CEP112: variants seen among roughly 807,000 people sequenced by gnomAD.
CEP112 encodes centrosomal protein of 112 kDa.
Under a neutral mutation model 153.0 loss-of-function variants are expected in CEP112, and 127 were observed. That is an observed-to-expected ratio of 0.83 (90% CI 0.72 to 0.96). The LOEUF (loss-of-function observed/expected upper bound fraction) is 0.96, where lower values mean the gene tolerates loss of function less well. Ranked by LOEUF, CEP112 falls within the 40% of genes least tolerant of loss-of-function variation. CEP112 has a pLI of 0.00. For missense variants in CEP112, 1,089 were observed against 1,101.2 expected, an observed-to-expected ratio of 0.99 and a Z score of 0.16; for synonymous variants, 358 against 374.4, an observed-to-expected ratio of 0.96 and a Z score of 0.51.
chr17:65,906,903 T>C (rs1016371463), intron 19 of CEP112, among the ~76,000 whole-genome samples: 1 of 152,204 alleles, frequency 6.6e-6, no homozygotes, highest in Non-Finnish European at 1.5e-5. Flanking sequence ...ACAAGGATCA[T>C]TATAATAAAA....
intron 21 of CEP112, among the ~76,000 whole-genome samples, chr17:65,838,151 A>G (rs2057391947): frequency 1.3e-5 from 2 of 152,146 alleles, no homozygotes; most frequent in African/African-American, 4.8e-5. Flanking sequence ...AAATGGATTA[A>G]AAAAAAGACA....
At chr17:65,876,556 T>C (rs2058833940) in intron 20 of CEP112, among the ~76,000 whole-genome samples, 2 of 152,186 alleles carry the variant, frequency 1.3e-5, no homozygotes, top group South Asian at 4.1e-4. Flanking sequence ...GACCTTTTCT[T>C]TTGTGATGCT....
At chr17:65,769,234 C>T (rs1224494853) in intron 21 of CEP112, among the ~76,000 whole-genome samples, 1 of 151,810 alleles carries the variant, frequency 6.6e-6, no homozygotes, top group African/African-American at 2.4e-5. Context: ...GACCTGTACA[C>T]TGAAAACTAT....
intron 3 of CEP112, 45 bp from the exon 4 acceptor site, chr17:66,175,261 T>C (rs751753521): frequency 2.6e-5 from 34 of 1,332,324 alleles, no homozygotes; most frequent in South Asian, 1.7e-4. Flanking sequence ...AAATGTACTA[T>C]AATAAACCAC....
intron 17 of CEP112, among the ~76,000 whole-genome samples, chr17:65,983,887 T>G (rs2063312619): frequency 6.6e-6 from 1 of 152,208 alleles, no homozygotes; most frequent in Admixed American, 6.5e-5. Context: ...GTTCACTTAT[T>G]TTATTAAATT....
At chr17:65,782,354 G>A (rs2054044000) in intron 21 of CEP112, among the ~76,000 whole-genome samples, 1 of 152,126 alleles carries the variant, frequency 6.6e-6, no homozygotes, top group South Asian at 2.1e-4. Context: ...TGTTGGTGAG[G>A]CTGCAGAGAA....
chr17:65,771,574 T>C (rs1490137568), intron 21 of CEP112, among the ~76,000 whole-genome samples: 1 of 152,180 alleles, frequency 6.6e-6, no homozygotes, highest in African/African-American at 2.4e-5. Flanking sequence ...TTCTGGGCCA[T>C]AAAATAAATT....
In CEP112 at chr17:66,157,149, A is replaced by G. The variant is rs140486998; in HGVS notation, c.470+17895T>C. Among the ~76,000 whole-genome samples the G allele has an allele frequency of 8.5e-3, 1,298 of 152,322 alleles. 19 individuals carry two copies. The highest frequency in any genetic ancestry group is 0.03 in the African/African-American group (1,228 of 41,566). ...GAGAGAAAGGTCACGTTACCCACAA[A>G]GGGAAGCCCATCAGACTAACATCGG... On this transcript the variant is annotated intron_variant, in intron 4 of 26. Coordinates refer to ENST00000535342, the MANE Select transcript of CEP112 (RefSeq NM_001199165.4).
chr17:65,668,777 T>C (rs919809899), intron 24 of CEP112, among the ~76,000 whole-genome samples: 1 of 152,242 alleles, frequency 6.6e-6, no homozygotes, highest in Non-Finnish European at 1.5e-5. Context: ...GAAGAGTTCA[T>C]TCCACCCTTT....
chr17:65,831,335 A>G (rs1194891558), intron 21 of CEP112, among the ~76,000 whole-genome samples: 3 of 152,184 alleles, frequency 2.0e-5, no homozygotes, highest in Non-Finnish European at 4.4e-5. Context: ...AGGCGGGTGG[A>G]TCACGAGGTC....
At chr17:66,086,661 T>C (rs574018721) in intron 8 of CEP112, among the ~76,000 whole-genome samples, 1 of 151,962 alleles carries the variant, frequency 6.6e-6, no homozygotes, top group East Asian at 1.9e-4. Context: ...CCACCTAAAG[T>C]GCTGGGATTA....
intron 8 of CEP112, among the ~76,000 whole-genome samples, chr17:66,087,284 C>T (rs2067974651): frequency 6.6e-6 from 1 of 152,074 alleles, no homozygotes; most frequent in South Asian, 2.1e-4. Flanking sequence ...ACTCCTGCCC[C>T]AAGTTGTCAT....
chr17:66,061,569 TAC>T (rs35156012), intron 11 of CEP112, among the ~76,000 whole-genome samples: 8 of 146,192 alleles, frequency 5.5e-5, no homozygotes, highest in Admixed American at 2.8e-4. Flanking sequence ...ATGTGATAGA[TAC>T]ACACACACAC....
At chr17:66,160,170 C>T (rs1344068126) in intron 4 of CEP112, among the ~76,000 whole-genome samples, 1 of 152,046 alleles carries the variant, frequency 6.6e-6, no homozygotes, top group East Asian at 1.9e-4. Context: ...GAACTACAAA[C>T]CACTGCCCAA....
intron 18 of CEP112, among the ~76,000 whole-genome samples, chr17:65,937,427 C>A (rs1289953316): frequency 1.8e-5 from 2 of 109,462 alleles, no homozygotes; most frequent in African/African-American, 3.1e-5. Context: ...CTCTGCCCCA[C>A]CGCCCCGTCT....
intron 13 of CEP112, 68 bp downstream of exon 13, chr17:66,029,801 G>T: frequency 7.5e-7 from 1 of 1,331,044 alleles, no homozygotes; most frequent in Non-Finnish European, 1.0e-6. Flanking sequence ...AATTTTGGCA[G>T]ATAACTGATA....
chr17:65,846,911 A>G (rs1568108458), intron 21 of CEP112, among the ~76,000 whole-genome samples: 1 of 152,182 alleles, frequency 6.6e-6, no homozygotes, highest in Non-Finnish European at 1.5e-5. Flanking sequence ...TTAGAAACAA[A>G]TATTTCCTGC....
At chr17:65,754,606 AAAAAT>A (rs1188106183) in intron 21 of CEP112, among the ~76,000 whole-genome samples, 6 of 148,236 alleles carry the variant, frequency 4.0e-5, no homozygotes, top group Admixed American at 1.3e-4. Context: ...TTCTGTCGCA[AAAAAT>A]AAAATAAAAT....
In CEP112 at chr17:65,927,649, A is replaced by G; in HGVS notation, c.1913T>C (p.Leu638Pro). 1 of 1,601,798 alleles carries G rather than the reference A, an allele frequency of 6.2e-7. No homozygotes were observed. Among genetic ancestry groups the G allele is most frequent in the Admixed American group, 1.7e-5 (1 of 57,340 alleles). Residue 638 changes from leucine (L) to proline (P), a missense_variant, in exon 19 of 27, where the codon CTT becomes CCT. Leu to Pro is a moderately conservative substitution (Grantham distance 98). Coordinates refer to ENST00000535342, the MANE Select transcript of CEP112 (RefSeq NM_001199165.4). ...VEADLTRSKS[L>P]REKQSKEFLW... ...AAACTCCTTTGATTGTTTCTCACGA[A>G]GAGATTTGGATCTAGTTAGATCTGC...
Sources: allele counts gnomAD v4.1 joint callset (sites outside exome capture counted in the v4.1 genomes callset), GRCh38; gene constraint gnomAD v4.1.1; transcripts MANE v1.5; gene names NCBI Gene and HGNC (gene_info 2026-07-23, HGNC 2026-07-21).